Variants in GUCY2F observed in about 807,000 individuals in gnomAD.
The protein encoded by GUCY2F is guanylate cyclase 2F, retinal.
A neutral mutation model predicts 73.1 loss-of-function variants in GUCY2F; 61 were observed. The ratio of observed to expected loss-of-function variants is 0.83; its 90% CI spans 0.68 to 1.03. GUCY2F has a LOEUF of 1.03. Ranked by LOEUF, GUCY2F falls within the 50% of genes least tolerant of loss-of-function variation. The pLI is 0.00. For missense variants in GUCY2F, 912 were observed against 854.3 expected (o/e 1.07, Z -0.84); for synonymous variants, 331 against 307.8 (o/e 1.08, Z -0.79).
chrX:109,387,279 G>A (rs910238144), intron 15 of GUCY2F, among the ~76,000 whole-genome samples: 1 of 112,219 alleles, frequency 8.9e-6, no homozygotes, highest in Admixed American at 9.4e-5. Flanking sequence ...GAGTAAGGGA[G>A]GAGTCAAAGA....
At chrX:109,389,301 A>G (rs934684659) in intron 14 of GUCY2F, among the ~76,000 whole-genome samples, 8 of 111,958 alleles carry the variant, frequency 7.1e-5, no homozygotes, top group African/African-American at 2.6e-4. Flanking sequence ...ATAAAGCCAA[A>G]TCTATGTTCC....
At chrX:109,413,097 G>A (rs189348789) in intron 8 of GUCY2F, among the ~76,000 whole-genome samples, 1 of 112,435 alleles carries the variant, frequency 8.9e-6, no homozygotes, top group African/African-American at 3.2e-5. Flanking sequence ...AATGGTACTA[G>A]CATGGGAATA....
chrX:109,384,465 A>T (rs995031561), intron 16 of GUCY2F, among the ~76,000 whole-genome samples: 2 of 112,497 alleles, frequency 1.8e-5, no homozygotes, highest in Non-Finnish European at 3.8e-5. Flanking sequence ...GGTAGTAAAT[A>T]ACCGAGTAAG....
At chrX:109,425,400 T>A (rs1288811504) in intron 8 of GUCY2F, among the ~76,000 whole-genome samples, 1 of 107,383 alleles carries the variant, frequency 9.3e-6, no homozygotes, top group Non-Finnish European at 1.9e-5. Flanking sequence ...ATATATATAT[T>A]ATATGTGTGT....
In GUCY2F at chrX:109,382,166, A is replaced by C. The variant is rs1162823121; in HGVS notation, c.3102T>G (p.Asn1034Lys). 2 of 1,185,283 alleles carry C rather than the reference A, an allele frequency of 1.7e-6. No individual in the cohort carries two copies. Among genetic ancestry groups the C allele is most frequent in the Non-Finnish European group, 2.3e-6 (2 of 871,474 alleles). Residue 1034 changes from asparagine (N) to lysine (K), a missense_variant, in exon 17 of 20, where the codon AAT becomes AAG. Asn to Lys is a moderately conservative substitution (Grantham distance 94). Coordinates refer to ENST00000218006, the MANE Select transcript of GUCY2F (RefSeq NM_001522.3). Reference protein sequence around the residue: ...VSLSTVTILQNLSEGYEVELR... With the variant: ...VSLSTVTILQKLSEGYEVELR... The stretch of plus-strand genomic sequence containing the variant: ...GCTCCACTTCATAGCCCTCACTCAG[A>C]TTTTGAAGAATTGTAACAGTGCTGA...
intron 3 of GUCY2F, among the ~76,000 whole-genome samples, chrX:109,458,720 A>C (rs2147279482): frequency 9.0e-6 from 1 of 111,208 alleles, no homozygotes; most frequent in African/African-American, 3.3e-5. Context: ...CCACAATAAT[A>C]ATAATAACCA....
chrX:109,411,961 C>T (rs923721101), intron 8 of GUCY2F, among the ~76,000 whole-genome samples: 2 of 112,031 alleles, frequency 1.8e-5, no homozygotes, highest in African/African-American at 6.5e-5. Flanking sequence ...ATTGTTAAAA[C>T]CACAGGATTA....
At position 109,372,962 on chromosome X, in the gene GUCY2F, T is replaced by C. The variant is rs978650161; in HGVS notation, c.*39A>G. ...AACTGAAGTGAGCTTTCCCATTGCC[T>C]CACCAAGAGAAGATTCAAATCCTGG... On this transcript the variant is annotated 3_prime_UTR_variant, in exon 20 of 20. Transcript: ENST00000218006. The C allele has an allele frequency of 3.5e-5, 4 of 112,974 alleles. No individual in the cohort carries two copies. Among genetic ancestry groups the C allele is most frequent in the African/African-American group, 1.3e-4 (4 of 31,005 alleles). 9.3% of individuals were successfully genotyped at this position (112,974 alleles called of 1,213,427 possible).
intron 3 of GUCY2F, 72 bp from the exon 4 acceptor site, chrX:109,453,931 G>T: frequency 1.7e-6 from 1 of 575,967 alleles, no homozygotes; most frequent in Non-Finnish European, 2.7e-6. Flanking sequence ...TTCCAAGCCT[G>T]TGTTCATTAT....
Position 109,465,180 on chromosome X carries a change from C to A in GUCY2F, c.994G>T (p.Ala332Ser), listed in dbSNP as rs758390541. The A allele has an allele frequency of 1.7e-6, 2 of 1,207,993 alleles. No homozygotes were observed. Among genetic ancestry groups the A allele is most frequent in the African/African-American group, 3.5e-5 (2 of 57,162 alleles). Residue 332 changes from alanine to serine, a missense_variant, in exon 3 of 20, where the codon GCA becomes TCA. Ala to Ser is a moderately conservative substitution (Grantham distance 99). Coordinates refer to ENST00000218006, the MANE Select transcript of GUCY2F (RefSeq NM_001522.3). ...AGCTTCTCAGGAATTTCACCTCTTG[C>A]TGCTGCCTCTGTGAAGGCTTGATAG... ...TFYQAFTEAA[A>S]RGEIPEKLEF...
At chrX:109,424,815 G>A (rs774196123) in intron 8 of GUCY2F, among the ~76,000 whole-genome samples, 2 of 108,349 alleles carry the variant, frequency 1.8e-5, no homozygotes, top group East Asian at 5.8e-4. Flanking sequence ...CACCCAGGCT[G>A]GAGTTCAATG....
chrX:109,472,469 C>T (rs953934455), intron 2 of GUCY2F, among the ~76,000 whole-genome samples: 27 of 111,919 alleles, frequency 2.4e-4, no homozygotes, highest in African/African-American at 8.1e-4. Flanking sequence ...TTCCTCAGAC[C>T]TTCTCAGCTG....
At chrX:109,451,242 C>T (rs1369475741) in intron 5 of GUCY2F, among the ~76,000 whole-genome samples, 2 of 112,309 alleles carry the variant, frequency 1.8e-5, no homozygotes, top group Non-Finnish European at 3.8e-5. Flanking sequence ...CCACTTATCC[C>T]TGATTCTGAA....
Position 109,453,852 on chromosome X carries a change from G to T in GUCY2F, c.1040C>A (p.Pro347Gln), listed in dbSNP as rs763462771. ...TGAATTGTAGATGGTTCCAAACAAC[G>T]GTGAAACCTATTTTTAAAAATTACA... ...PEKLEFDQVSPLFGTIYNSIY... is the reference protein window; with the variant it reads ...PEKLEFDQVSQLFGTIYNSIY... The change falls in exon 4 of 20, where the codon CCG (proline) becomes CAG (glutamine). Residue 347 changes from proline (P) to glutamine (Q), a missense_variant. Pro to Gln is a moderately conservative substitution (Grantham distance 76). Transcript: ENST00000218006. 2 of 1,121,302 alleles carry T rather than the reference G, an allele frequency of 1.8e-6. No homozygotes were observed. The highest frequency in any genetic ancestry group is 2.4e-6 in the Non-Finnish European group (2 of 828,248). 92.4% of individuals were successfully genotyped at this position (1,121,302 alleles called of 1,213,427 possible).
At chrX:109,392,834 T>A in intron 13 of GUCY2F, 58 bp downstream of exon 13, 1 of 755,800 alleles carries the variant, frequency 1.3e-6, no homozygotes, top group East Asian at 3.2e-5. Context: ...TTCTCTTTTT[T>A]TTTTTTAACA....
chrX:109,477,110 C>T (rs1008801886), intron 1 of GUCY2F, among the ~76,000 whole-genome samples: 2 of 111,155 alleles, frequency 1.8e-5, no homozygotes, highest in African/African-American at 6.6e-5. Context: ...GAGTCTGTCA[C>T]AATAATCCAT....
At chrX:109,420,251 AAGAG>A (rs1256967166) in intron 8 of GUCY2F, among the ~76,000 whole-genome samples, 1 of 101,843 alleles carries the variant, frequency 9.8e-6, no homozygotes, top group Non-Finnish European at 2.0e-5. Context: ...AAGAAAAAGA[AAGAG>A]AGAGGGGGAG....
In GUCY2F at chrX:109,388,578, A is replaced by C; in HGVS notation, c.2867T>G (p.Met956Arg). 1 of 1,198,704 alleles carries C rather than the reference A, an allele frequency of 8.3e-7. No homozygotes were observed. The highest frequency in any genetic ancestry group is 1.1e-6 in the Non-Finnish European group (1 of 884,026). Reference sequence around the variant, plus strand: ...CACAGAGCTCAGGATATCTAAGGACATGTTTGCAATCTCAGCTGCATGCCT... The same window carrying C: ...CACAGAGCTCAGGATATCTAAGGACCTGTTTGCAATCTCAGCTGCATGCCT... Reference protein sequence around the residue: ...GSRHAAEIANMSLDILSSVGT... With the variant: ...GSRHAAEIANRSLDILSSVGT... Residue 956 changes from methionine to arginine, a missense_variant, in exon 15 of 20, where the codon ATG becomes AGG. Physicochemically the swap from Met to Arg is moderately conservative, Grantham distance 91 (BLOSUM62 -1). Transcript: ENST00000218006.
rs181160245 is a variant in GUCY2F, at chrX:109,469,288, C to A, written c.731-3845G>T. 2.7e-5 allele frequency among the ~76,000 whole-genome samples: 3 copies of A among 111,421 alleles called. No homozygotes were observed. In the Admixed American group the frequency reaches 2.9e-4, roughly 11 times the overall value. On this transcript the variant is annotated intron_variant, in intron 2 of 19. Transcript: ENST00000218006. ...CTCCGGGAGAAGCCAATTTCCATGT[C>A]ACTCAATTCCTATTTCTCTTCCTAA...
Sources: gnomAD v4.1 joint callset for allele counts (sites outside exome capture counted in the v4.1 genomes callset) on GRCh38, gnomAD v4.1.1 for gene constraint, MANE v1.5 for transcripts, NCBI Gene and HGNC (gene_info 2026-07-23, HGNC 2026-07-21) for gene names.